NELFA: variants seen among roughly 807,000 people sequenced by gnomAD.
NELFA encodes negative elongation factor complex member A.
Under a neutral mutation model 51.8 loss-of-function variants are expected in NELFA, and 35 were observed. That is an observed-to-expected ratio of 0.68 (90% CI 0.52 to 0.90). NELFA has a LOEUF of 0.90. Ranked by LOEUF, NELFA falls within the 40% of genes least tolerant of loss-of-function variation. The pLI, the probability that NELFA is intolerant of heterozygous loss-of-function variation, is 0.00. For synonymous variants in NELFA, 417 were observed against 338.4 expected, an observed-to-expected ratio of 1.23 and a Z score of -2.55; for missense variants, 658 against 746.4, an observed-to-expected ratio of 0.88 and a Z score of 1.38.
At position 2,004,592 on chromosome 4, in the gene NELFA, A is replaced by T. The variant is rs1728661274; in HGVS notation, c.210+4158T>A. On this transcript the variant is annotated intron_variant, in intron 1 of 10. Coordinates refer to ENST00000382882, the MANE Select transcript of NELFA (RefSeq NM_005663.5). The stretch of plus-strand genomic sequence containing the variant: ...ATCCTCAACCTCCCAGGCTCAAGTG[A>T]TCCTCTCGCCACAGCCTCCCAAGTA... 2.0e-5 allele frequency among the ~76,000 whole-genome samples: 3 copies of T among 151,410 alleles called. No individual in the cohort carries two copies. The South Asian group carries it at 6.3e-4, about 32-fold the overall frequency.
rs901361952 is a variant in NELFA, at chr4:2,004,527, G to A, written c.210+4223C>T. 1.4e-3 allele frequency among the ~76,000 whole-genome samples: 220 copies of A among 151,908 alleles called. 1 individual carries two copies. Among genetic ancestry groups the A allele is most frequent in the South Asian group, 8.3e-4 (4 of 4,802 alleles). ...TTTTGAGACAGGGTCTCATTCTGTCGGCCAGGCTAGAGTGCAGTGATGCAA... is the reference window on the plus strand; with the variant it reads ...TTTTGAGACAGGGTCTCATTCTGTCAGCCAGGCTAGAGTGCAGTGATGCAA... On this transcript the variant is annotated intron_variant, in intron 1 of 10. Coordinates refer to ENST00000382882, the MANE Select transcript of NELFA (RefSeq NM_005663.5).
chr4:2,006,554 A>G (rs904327775), intron 1 of NELFA, among the ~76,000 whole-genome samples: 5 of 152,132 alleles, frequency 3.3e-5, no homozygotes, highest in Non-Finnish European at 7.3e-5. Flanking sequence ...GGATCACTTG[A>G]GGCTAGGAGT....
chr4:1,985,205 C>T (rs559891012), intron 7 of NELFA, among the ~76,000 whole-genome samples: 2 of 152,264 alleles, frequency 1.3e-5, no homozygotes, highest in Admixed American at 6.5e-5. Flanking sequence ...TTTCTTACCA[C>T]GAAGCGTTGA....
Position 1,989,975 on chromosome 4 carries a change from G to T in NELFA, c.383-106C>A. The T allele has an allele frequency of 1.4e-6, 2 of 1,387,218 alleles. No homozygotes were observed. The highest frequency in any genetic ancestry group is 1.4e-5 in the South Asian group (1 of 72,500). 85.9% of individuals were successfully genotyped at this position (1,387,218 alleles called of 1,614,324 possible). On this transcript the variant is annotated intron_variant, in intron 2 of 10. Transcript: ENST00000382882. The surrounding 1 kb of genome is among the most constrained non-coding windows in gnomAD (Gnocchi z 4.8). ...CCACACCCTCCTCAGTTAGGGTTAG[G>T]TCATGGGAGCTTCGGCTGTCCCCTG... is the stretch of plus-strand genomic sequence containing the variant.
At position 2,008,894 on chromosome 4, in the gene NELFA, C is replaced by G; in HGVS notation, c.66G>C (p.Glu22Asp). ...ACGCGATGCTGGGCGGCGCCCACAGCTCGTCCGTGGCCCCCAGCTTGTTGT... is the reference window on the plus strand; with the variant it reads ...ACGCGATGCTGGGCGGCGCCCACAGGTCGTCCGTGGCCCCCAGCTTGTTGT... ...WLHNKLGATDELWAPPSIASL... is the reference protein window; with the variant it reads ...WLHNKLGATDDLWAPPSIASL... The change falls in exon 1 of 11, where the codon GAG (glutamate) becomes GAC (aspartate). Residue 22 changes from glutamate to aspartate, a missense_variant. Glu to Asp is a conservative substitution (Grantham distance 45, BLOSUM62 2). Coordinates refer to ENST00000382882, the MANE Select transcript of NELFA (RefSeq NM_005663.5). 3 of 1,587,686 alleles carry G rather than the reference C, an allele frequency of 1.9e-6. No individual in the cohort carries two copies. The highest frequency in any genetic ancestry group is 2.6e-6 in the Non-Finnish European group (3 of 1,168,100).
At chr4:1,988,223 G>A (rs1195526598) in intron 3 of NELFA, among the ~76,000 whole-genome samples, 3 of 152,214 alleles carry the variant, frequency 2.0e-5, no homozygotes. Flanking sequence ...GGAGCTGGGT[G>A]GCTGTGGCTG....
chr4:1,985,226 G>A (rs909884464), intron 7 of NELFA, among the ~76,000 whole-genome samples: 2 of 152,218 alleles, frequency 1.3e-5, no homozygotes, highest in African/African-American at 2.4e-5. Flanking sequence ...TATAAAGGAA[G>A]ATGCTCATGT....
intron 1 of NELFA, among the ~76,000 whole-genome samples, chr4:1,993,711 G>A (rs558507758): frequency 7.9e-5 from 12 of 152,180 alleles, no homozygotes; most frequent in African/African-American, 2.6e-4. Flanking sequence ...AGGCGCTGGT[G>A]GATTCCCCGC....
rs746006722 is a variant in NELFA at position 1,987,925 on chromosome 4, G to A, written c.627C>T (p.Asp209=). 4.4e-6 allele frequency: 7 copies of A among 1,605,958 alleles called. No homozygotes were observed. In the South Asian group the frequency reaches 7.9e-5, roughly 18 times the overall value. The part of the protein sequence containing the change: ...AKGRGLLRKM[D]TTTPLKGIPK... ...CCAGGGTGGGGGCCTTACTGGTGGT[G>A]TCCATCTTCCGCAGCAGCCCCCGGC... is the stretch of plus-strand genomic sequence containing the variant. Residue 209 remains aspartate, a synonymous_variant, in exon 4 of 11, where the codon GAC becomes GAT. Coordinates refer to ENST00000382882, the MANE Select transcript of NELFA (RefSeq NM_005663.5).
At chr4:2,008,179 CGGGAAACCCCGAT>C (rs929199442) in intron 1 of NELFA, 89 of 381,820 alleles carry the variant, frequency 2.3e-4, no homozygotes, top group African/African-American at 1.7e-3. Flanking sequence ...GCGTCCCCGA[CGGGAAACCCCGAT>C]GGGAGACCCC....
chr4:1,984,724 A>T (rs1413246269), intron 8 of NELFA, 84 bp downstream of exon 8: 2 of 933,078 alleles, frequency 2.1e-6, no homozygotes, highest in East Asian at 5.4e-5. Flanking sequence ...AGGAGTGAGA[A>T]CCGCAGCCCT....
intron 1 of NELFA, among the ~76,000 whole-genome samples, chr4:2,004,432 C>G (rs184084928): frequency 6.6e-6 from 1 of 152,222 alleles, no homozygotes; most frequent in Admixed American, 6.5e-5. Context: ...CTAAAAACTA[C>G]TGAAGTGTAC....
intron 1 of NELFA, among the ~76,000 whole-genome samples, chr4:2,002,991 A>G (rs1326523345): frequency 2.6e-5 from 4 of 152,234 alleles, no homozygotes; most frequent in Non-Finnish European, 5.9e-5. Flanking sequence ...TCATCTGACA[A>G]AGGGCTAATA....
At chr4:1,985,692 C>T (rs758594012) in intron 7 of NELFA, 84 bp downstream of exon 7, 30 of 1,029,022 alleles carry the variant, frequency 2.9e-5, no homozygotes, top group Admixed American at 1.3e-4. Context: ...ATATATTCTC[C>T]GACAGAGCAC....
chr4:2,007,160 T>C (rs1054671075), intron 1 of NELFA: 2 of 429,440 alleles, frequency 4.7e-6, no homozygotes, highest in African/African-American at 4.1e-5. Context: ...TGAGTCACGA[T>C]GGTGCCACTG....
intron 1 of NELFA, among the ~76,000 whole-genome samples, chr4:2,004,624 AC>A (rs1728661951): frequency 6.6e-6 from 1 of 150,928 alleles, no homozygotes; most frequent in Non-Finnish European, 1.5e-5. Context: ...AGTAGCTGGG[AC>A]CACAGCCATG....
At chr4:1,992,459 C>A in intron 1 of NELFA, 1 of 436,134 alleles carries the variant, frequency 2.3e-6, no homozygotes, top group Non-Finnish European at 4.6e-6. Context: ...AACCCCCTCC[C>A]ACGAGGAAAC....
Position 1,984,131 on chromosome 4 carries a change from C to T in NELFA, c.1037-18G>A. 2 of 1,527,872 alleles carry T rather than the reference C, an allele frequency of 1.3e-6. No individual in the cohort carries two copies. The highest frequency in any genetic ancestry group is 1.7e-6 in the Non-Finnish European group (2 of 1,144,792). The allele number at this position is 1,527,872 out of a possible 1,614,324, so 94.6% of individuals were successfully genotyped here. On this transcript the variant is annotated intron_variant, in intron 8 of 10. Transcript: ENST00000382882. ...AGATGGGGCTGCAAGTAGACCGGGG[C>T]CTGGTGAGGGGGCTGGACCCCCACC...
At chr4:1,994,179 C>T (rs1359690181) in intron 1 of NELFA, among the ~76,000 whole-genome samples, 1 of 151,834 alleles carries the variant, frequency 6.6e-6, no homozygotes, top group Admixed American at 6.6e-5. Context: ...GCAGGAGGAT[C>T]ACTTGAGCCC....
Sources: allele counts gnomAD v4.1 joint callset (sites outside exome capture counted in the v4.1 genomes callset), GRCh38; gene constraint gnomAD v4.1.1; non-coding constraint Gnocchi (gnomAD v3.1); transcripts MANE v1.5; gene names NCBI Gene and HGNC (gene_info 2026-07-23, HGNC 2026-07-21).